Variants in ITGA8 observed in about 807,000 individuals in gnomAD.
ITGA8 encodes the protein integrin alpha-8.
In ITGA8, 91 loss-of-function variants were observed where a neutral mutation model predicts 142.3. The observed-to-expected ratio is 0.64, with a 90% CI of 0.54 to 0.76. The LOEUF (loss-of-function observed/expected upper bound fraction) is 0.76, where lower values mean the gene tolerates loss of function less well. Among genes scored for constraint, ITGA8 ranks in the 30% least tolerant of loss-of-function variants. The probability of loss-of-function intolerance (pLI) is 0.00; values close to 1 mark genes in which losing one functional copy is unlikely to be tolerated. For synonymous variants in ITGA8, 505 were observed against 485.2 expected (o/e 1.04, Z -0.54); for missense variants, 1,406 against 1,327.7 (o/e 1.06, Z -0.92).
intron 6 of ITGA8, among the ~76,000 whole-genome samples, chr10:15,677,019 A>T (rs1315332974): frequency 6.6e-6 from 1 of 152,228 alleles, no homozygotes; most frequent in Non-Finnish European, 1.5e-5. Context: ...CAGAAAAAAA[A>T]CAGAAAACAA....
intron 24 of ITGA8, 24 bp downstream of exon 24, chr10:15,575,465 A>G: frequency 6.6e-7 from 1 of 1,521,038 alleles, no homozygotes; most frequent in Non-Finnish European, 9.1e-7. Flanking sequence ...CCCCTAACAC[A>G]ACTTTAACAC....
chr10:15,710,134 G>A (rs1323313853), intron 2 of ITGA8, among the ~76,000 whole-genome samples: 8 of 151,372 alleles, frequency 5.3e-5, no homozygotes, highest in Admixed American at 3.9e-4. Flanking sequence ...TTGAAAACAA[G>A]AAAAAAAATG....
rs200922550 is a variant in ITGA8 at position 15,662,326 on chromosome 10, C to CTT, written c.848-1406_848-1405dup. On this transcript the variant is annotated intron_variant, in intron 8 of 29. Transcript: ENST00000378076. ...CTCAAGGTGAAATCTTCAGAAGGTC[C>CTT]TTTTTTTTTTTTTTTTTTTTTTTTT... 8.6e-3 allele frequency among the ~76,000 whole-genome samples: 627 copies of CTT among 72,680 alleles called. 74 individuals carry two copies. The highest frequency in any genetic ancestry group is 0.034 in the African/African-American group (514 of 15,038). The allele number at this position is 72,680 out of a possible 152,430, so 47.7% of individuals were successfully genotyped here. A position where few individuals can be genotyped will look rare whatever the true frequency, so the allele number is the denominator to read the frequency against.
rs1833184018 is a variant in ITGA8, at chr10:15,605,778, A to C, written c.1916T>G (p.Val639Gly). 1.2e-6 allele frequency: 2 copies of C among 1,613,400 alleles called. No homozygotes were observed. The highest frequency in any genetic ancestry group is 2.2e-5 in the East Asian group (1 of 44,870). Residue 639 changes from valine (V) to glycine (G), a missense_variant, in exon 19 of 30, where the codon GTG (valine) becomes GGG (glycine). Val to Gly is a moderately radical substitution (Grantham distance 109). Transcript: ENST00000378076. ...ACACAGATTGTCTTCTCCACAGTCCACCAGAATGTGAGCCTGTGTTGTATA... is the reference window on the plus strand; with the variant it reads ...ACACAGATTGTCTTCTCCACAGTCCCCCAGAATGTGAGCCTGTGTTGTATA... ...NIVSEQAHILVDCGEDNLCVP... is the reference protein window; with the variant it reads ...NIVSEQAHILGDCGEDNLCVP...
intron 26 of ITGA8, among the ~76,000 whole-genome samples, chr10:15,554,789 T>C (rs1344093702): frequency 6.6e-6 from 1 of 151,800 alleles, no homozygotes; most frequent in Non-Finnish European, 1.5e-5. Context: ...TGACTCACAG[T>C]TCCACAGGCT....
intron 2 of ITGA8, among the ~76,000 whole-genome samples, chr10:15,707,091 TTGTGACCACC>T (rs1468730217): frequency 7.2e-5 from 11 of 152,324 alleles, no homozygotes; most frequent in Non-Finnish European, 1.5e-4. Context: ...GTGAAAGTTC[TTGTGACCACC>T]TGTGGTACAA....
intron 26 of ITGA8, among the ~76,000 whole-genome samples, chr10:15,550,230 A>G (rs1833770358): frequency 1.3e-5 from 2 of 152,156 alleles, no homozygotes. Flanking sequence ...AGGACTCCCT[A>G]GCCATGTGGA....
chr10:15,674,979 C>G lies in ITGA8; in HGVS notation c.677-2230G>C, dbSNP rs189281306. ...ATAAATCTATCTCTCCTGGATCTTT[C>G]TCAATGACTTTTAAACATGATCAAG... On this transcript the variant is annotated intron_variant, in intron 6 of 29. Coordinates refer to ENST00000378076, the MANE Select transcript of ITGA8 (RefSeq NM_003638.3). Among the ~76,000 whole-genome samples the G allele has an allele frequency of 2.3e-3, 346 of 151,844 alleles. 2 individuals are homozygous for G. Among genetic ancestry groups the G allele is most frequent in the African/African-American group, 7.9e-3 (328 of 41,452 alleles).
chr10:15,695,906 G>C (rs557988278), intron 2 of ITGA8, among the ~76,000 whole-genome samples: 96 of 152,308 alleles, frequency 6.3e-4, no homozygotes, highest in Middle Eastern at 3.4e-3. Context: ...CAGAGATCAA[G>C]TCCTGTGATC....
intron 2 of ITGA8, among the ~76,000 whole-genome samples, chr10:15,702,468 T>C (rs1835182380): frequency 6.6e-6 from 1 of 152,126 alleles, no homozygotes; most frequent in African/African-American, 2.4e-5. Flanking sequence ...TTTTTGTATT[T>C]TTGATAGAGA....
intron 13 of ITGA8, among the ~76,000 whole-genome samples, chr10:15,618,023 A>G (rs1270990949): frequency 6.6e-6 from 1 of 152,222 alleles, no homozygotes; most frequent in Non-Finnish European, 1.5e-5. Flanking sequence ...GAGCTAAAAC[A>G]ATGAGTACAC....
intron 2 of ITGA8, among the ~76,000 whole-genome samples, chr10:15,690,891 A>C (rs1007962304): frequency 6.6e-6 from 1 of 152,150 alleles, no homozygotes; most frequent in Non-Finnish European, 1.5e-5. Flanking sequence ...AGCCAAGGAA[A>C]CAACCAACAA....
At chr10:15,699,608 T>C (rs544587455) in intron 2 of ITGA8, among the ~76,000 whole-genome samples, 2 of 152,328 alleles carry the variant, frequency 1.3e-5, no homozygotes, top group African/African-American at 4.8e-5. Context: ...TTTCCAGTTT[T>C]CCCACTTCTA....
chr10:15,683,077 T>G (rs943634554), intron 4 of ITGA8, among the ~76,000 whole-genome samples: 1 of 151,444 alleles, frequency 6.6e-6, no homozygotes, highest in African/African-American at 2.4e-5. Flanking sequence ...GATTTAGTGT[T>G]TTTTCTTTAA....
intron 26 of ITGA8, among the ~76,000 whole-genome samples, chr10:15,550,321 C>A (rs373372509): frequency 6.6e-6 from 1 of 152,052 alleles, no homozygotes; most frequent in African/African-American, 2.4e-5. Flanking sequence ...GAAAATGGAC[C>A]AATACAGGTA....
At chr10:15,551,892 A>T (rs1833798156) in intron 26 of ITGA8, among the ~76,000 whole-genome samples, 1 of 152,192 alleles carries the variant, frequency 6.6e-6, no homozygotes, top group African/African-American at 2.4e-5. Flanking sequence ...ATATGTGTTA[A>T]CAAAACCAGA....
chr10:15,699,571 G>T lies in ITGA8; in HGVS notation c.344-11533C>A, dbSNP rs143972472. ...AGTCTACATTTTATTTATCCATTCC[G>T]TTTACATATGAACATTTGTGGGTTT... On this transcript the variant is annotated intron_variant, in intron 2 of 29. Coordinates refer to ENST00000378076, the MANE Select transcript of ITGA8 (RefSeq NM_003638.3). 2.2e-4 allele frequency among the ~76,000 whole-genome samples: 34 copies of T among 152,184 alleles called. No individual in the cohort carries two copies. The East Asian group carries it at 3.9e-3, about 17-fold the overall frequency.
At chr10:15,626,947 A>C (rs187586986) in intron 13 of ITGA8, among the ~76,000 whole-genome samples, 29 of 152,220 alleles carry the variant, frequency 1.9e-4, no homozygotes, top group Non-Finnish European at 3.5e-4. Flanking sequence ...CGATTGACGG[A>C]GTTGCAAGGG....
chr10:15,546,673 G>A (rs1412255975), intron 27 of ITGA8, among the ~76,000 whole-genome samples: 1 of 148,536 alleles, frequency 6.7e-6, no homozygotes, highest in Non-Finnish European at 1.5e-5. Context: ...CTCTGCCTTA[G>A]GAGAAAGGAA....
Sources: allele counts gnomAD v4.1 joint callset (sites outside exome capture counted in the v4.1 genomes callset), GRCh38; gene constraint gnomAD v4.1.1; transcripts MANE v1.5; gene names NCBI Gene and HGNC (gene_info 2026-07-23, HGNC 2026-07-21).